Variants in RPSA2 observed in about 807,000 individuals in gnomAD.
RPSA2 encodes the protein small ribosomal subunit protein uS2B.
the RPSA2 span, among the ~76,000 whole-genome samples, chr19:23,792,834 G>A: frequency 6.6e-6 from 1 of 152,090 alleles, no homozygotes; most frequent in Non-Finnish European, 1.5e-5. Flanking sequence ...AGATTGCAAA[G>A]ATTAGGCAGA....
the RPSA2 span, among the ~76,000 whole-genome samples, chr19:23,868,959 A>G: frequency 6.6e-6 from 1 of 152,174 alleles, no homozygotes; most frequent in Non-Finnish European, 1.5e-5. Context: ...CAAGAAAACC[A>G]TGCAGGAAGC....
At chr19:23,772,957 A>G in the RPSA2 span, among the ~76,000 whole-genome samples, 1 of 152,172 alleles carries the variant, frequency 6.6e-6, no homozygotes, top group South Asian at 2.1e-4. Flanking sequence ...TGTGACTCTC[A>G]TTTATACTGG....
chr19:23,827,172 C>T, the RPSA2 span: 4 of 912,502 alleles, frequency 4.4e-6, no homozygotes, highest in South Asian at 5.6e-5. Context: ...ATGTCCGGAG[C>T]CCTTGATGTC....
At chr19:23,811,416 T>C in the RPSA2 span, among the ~76,000 whole-genome samples, 1 of 152,310 alleles carries the variant, frequency 6.6e-6, no homozygotes, top group African/African-American at 2.4e-5. Flanking sequence ...TAGCTGTCAT[T>C]ACTGGTGTAA....
At chr19:23,806,784 CAAAAAAAA>C in the RPSA2 span, among the ~76,000 whole-genome samples, 1 of 71,378 alleles carries the variant, frequency 1.4e-5, no homozygotes, top group East Asian at 3.6e-4. Context: ...GACTGAGTCT[CAAAAAAAA>C]AAAAAAAAAA....
At chr19:23,839,040 G>C in the RPSA2 span, among the ~76,000 whole-genome samples, 1 of 151,818 alleles carries the variant, frequency 6.6e-6, no homozygotes, top group Non-Finnish European at 1.5e-5. Flanking sequence ...TTGTCTGTCT[G>C]TGCTCTTTCA....
the RPSA2 span, among the ~76,000 whole-genome samples, chr19:23,845,416 T>G: frequency 1.3e-5 from 2 of 152,008 alleles, no homozygotes; most frequent in South Asian, 4.1e-4. Flanking sequence ...CTCTTAGTAC[T>G]ATATTTGATG....
At chr19:23,783,803 A>T in the RPSA2 span, among the ~76,000 whole-genome samples, 1 of 152,152 alleles carries the variant, frequency 6.6e-6, no homozygotes, top group Non-Finnish European at 1.5e-5. Flanking sequence ...TTGCTGGGTC[A>T]AGCAACCAGC....
the RPSA2 span, among the ~76,000 whole-genome samples, chr19:23,771,703 C>G: frequency 1.3e-5 from 2 of 152,132 alleles, no homozygotes; most frequent in African/African-American, 4.8e-5. Context: ...GGTGATGTGA[C>G]TTTTCTCTAC....
the RPSA2 span, chr19:23,833,267 G>A: frequency 1.1e-6 from 1 of 910,150 alleles, no homozygotes; most frequent in Non-Finnish European, 1.4e-6. Flanking sequence ...ACAACTTAAT[G>A]CACATAAGAT....
chr19:23,775,434 C>T, the RPSA2 span, among the ~76,000 whole-genome samples: 1 of 152,142 alleles, frequency 6.6e-6, no homozygotes, highest in Non-Finnish European at 1.5e-5. Context: ...CAGGTACGAT[C>T]ACGGGTCCAT....
the RPSA2 span, among the ~76,000 whole-genome samples, chr19:23,784,136 T>G: frequency 3.9e-5 from 6 of 152,328 alleles, no homozygotes; most frequent in East Asian, 1.9e-4. Context: ...GTAGGAGAGA[T>G]AATGTTGCTC....
chr19:23,828,947 AC>A, the RPSA2 span, among the ~76,000 whole-genome samples: 6 of 151,836 alleles, frequency 4.0e-5, no homozygotes, highest in Non-Finnish European at 7.4e-5. Flanking sequence ...ACACACACAC[AC>A]ACACACACAC....
At chr19:23,826,553 A>T in the RPSA2 span, among the ~76,000 whole-genome samples, 2 of 152,122 alleles carry the variant, frequency 1.3e-5, no homozygotes, top group Non-Finnish European at 2.9e-5. Flanking sequence ...TTTTAACAGT[A>T]TAACTACTTC....
chr19:23,774,167 C>G, the RPSA2 span, among the ~76,000 whole-genome samples: 1 of 152,156 alleles, frequency 6.6e-6, no homozygotes, highest in African/African-American at 2.4e-5. Flanking sequence ...TTGGCACTGC[C>G]CACAGAATGC....
At chr19:23,831,976 A>T in the RPSA2 span, 1 of 382,774 alleles carries the variant, frequency 2.6e-6, no homozygotes, top group Non-Finnish European at 5.3e-6. Flanking sequence ...CTACAAATGT[A>T]AAAAATGTGG....
the RPSA2 span, chr19:23,827,403 A>G: frequency 3.4e-6 from 5 of 1,457,132 alleles, no homozygotes; most frequent in African/African-American, 1.4e-5. Flanking sequence ...TCCTCCAGGA[A>G]TACTGGCCAG....
the RPSA2 span, among the ~76,000 whole-genome samples, chr19:23,790,617 T>C: frequency 1.3e-5 from 2 of 152,094 alleles, no homozygotes; most frequent in Non-Finnish European, 1.5e-5. Context: ...CAGGTTGTAG[T>C]TGGGGGGACT....
the RPSA2 span, chr19:23,832,985 G>A: frequency 3.4e-6 from 5 of 1,463,374 alleles, no homozygotes; most frequent in South Asian, 2.4e-5. Context: ...TGTGAAGAAT[G>A]TGGCAAAGCC....
Sources: allele counts gnomAD v4.1 joint callset (sites outside exome capture counted in the v4.1 genomes callset), GRCh38; gene constraint gnomAD v4.1.1; transcripts MANE v1.5; gene names NCBI Gene and HGNC (gene_info 2026-07-23, HGNC 2026-07-21).